The following PPP2R2B variants were observed in gnomAD, a reference collection of about 807,000 sequenced individuals.
The protein encoded by PPP2R2B is serine/threonine-protein phosphatase 2A 55 kDa regulatory subunit B beta isoform.
Under a neutral mutation model 46.0 loss-of-function variants are expected in PPP2R2B, and 5 were observed. That is an observed-to-expected ratio of 0.11 (90% CI 0.06 to 0.23). PPP2R2B has a LOEUF of 0.23. Among genes scored for constraint, PPP2R2B ranks in the 10% least tolerant of loss-of-function variants. The probability of loss-of-function intolerance (pLI) is 1.00; values close to 1 mark genes in which losing one functional copy is unlikely to be tolerated. For synonymous variants in PPP2R2B, 215 were observed against 206.7 expected (o/e 1.04, Z -0.34); for missense variants, 367 against 575.0 (o/e 0.64, Z 3.70).
At chr5:146,800,360 T>C (rs1035214505) in intron 2 of PPP2R2B, among the ~76,000 whole-genome samples, 1 of 152,106 alleles carries the variant, frequency 6.6e-6, no homozygotes, top group Non-Finnish European at 1.5e-5. Context: ...GGTACCAGAA[T>C]GGCATCAAGG....
At position 146,701,003 on chromosome 5, in the gene PPP2R2B, A is replaced by G. The variant is rs564673279; in HGVS notation, c.168+42T>C. ...AAGGAACAGTAGGAGGCCTCCTTTA[A>G]AAAGTGAAGAAAATGGGCATTTTGC... On this transcript the variant is annotated intron_variant, in intron 3 of 9. Transcript: ENST00000394411. 15 of 1,527,114 alleles carry G rather than the reference A, an allele frequency of 9.8e-6. No homozygotes were observed. The Admixed American group carries it at 1.7e-4, about 17-fold the overall frequency. The allele number at this position is 1,527,114 out of a possible 1,614,324, so 94.6% of individuals were successfully genotyped here.
rs985896817 is a variant in PPP2R2B at position 146,812,434 on chromosome 5, A to G, written c.70+65568T>C. Reference sequence around the variant, plus strand: ...AACTAATGAGGATAATAGCACTACTACTTTCCCAGGCCTCTTCTGAGGACT... The same window carrying G: ...AACTAATGAGGATAATAGCACTACTGCTTTCCCAGGCCTCTTCTGAGGACT... On this transcript the variant is annotated intron_variant, in intron 2 of 9. Coordinates refer to ENST00000394411, the MANE Select transcript of PPP2R2B (RefSeq NM_181675.4). Among the ~76,000 whole-genome samples, 63 of 130,230 alleles carry G rather than the reference A, an allele frequency of 4.8e-4. 1 individual carries two copies. The highest frequency in any genetic ancestry group is 1.6e-3 in the African/African-American group (57 of 35,182). The allele number at this position is 130,230 out of a possible 152,430, so 85.4% of individuals were successfully genotyped here.
chr5:146,785,747 T>C (rs778383339), intron 2 of PPP2R2B, among the ~76,000 whole-genome samples: 2 of 151,820 alleles, frequency 1.3e-5, no homozygotes, highest in Non-Finnish European at 2.9e-5. Context: ...AGTTGAGGAG[T>C]TAATAGAAAT....
At chr5:146,647,359 G>A (rs1353136905) in intron 6 of PPP2R2B, among the ~76,000 whole-genome samples, 1 of 152,172 alleles carries the variant, frequency 6.6e-6, no homozygotes, top group East Asian at 1.9e-4. Flanking sequence ...AGACCTGCCT[G>A]GTGGCTGGTA....
At chr5:146,908,929 T>C (rs1184726736) in intron 1 of PPP2R2B, among the ~76,000 whole-genome samples, 1 of 151,916 alleles carries the variant, frequency 6.6e-6, no homozygotes, top group Non-Finnish European at 1.5e-5. Flanking sequence ...GCCTCCCGAG[T>C]AGCTGGGATT....
At chr5:146,728,556 C>T (rs571928871) in intron 2 of PPP2R2B, among the ~76,000 whole-genome samples, 115 of 152,090 alleles carry the variant, frequency 7.6e-4, no homozygotes, top group Non-Finnish European at 1.4e-3. Flanking sequence ...GCAAAATAAT[C>T]CTCCAACAGT....
chr5:146,823,003 T>G (rs1176424014), intron 2 of PPP2R2B, among the ~76,000 whole-genome samples: 3 of 152,182 alleles, frequency 2.0e-5, no homozygotes, highest in African/African-American at 7.2e-5. Flanking sequence ...TTTCTTTATA[T>G]TTAAGGAAAG....
intron 2 of PPP2R2B, among the ~76,000 whole-genome samples, chr5:146,768,430 C>T (rs1278093241): frequency 6.6e-6 from 1 of 152,068 alleles, no homozygotes; most frequent in East Asian, 1.9e-4. Context: ...AAATGGTTAA[C>T]AGTTTTATTC....
At chr5:146,975,476 A>T (rs551219053) in intron 1 of PPP2R2B, among the ~76,000 whole-genome samples, 3 of 152,296 alleles carry the variant, frequency 2.0e-5, no homozygotes. Flanking sequence ...TGGGTATGCA[A>T]ATATGTCTTT....
In PPP2R2B at chr5:146,762,493, T is replaced by C. The variant is rs143095076; in HGVS notation, c.71-61351A>G. Among the ~76,000 whole-genome samples the C allele has an allele frequency of 2.9e-3, 449 of 152,352 alleles. 7 individuals are homozygous for C. Among genetic ancestry groups the C allele is most frequent in the African/African-American group, 0.01 (425 of 41,588 alleles). ...TGTTCACTACTCTTTCTATTCAAGGTGCTGTGCTAAGATTTTGGGTAATAG... is the reference window on the plus strand; with the variant it reads ...TGTTCACTACTCTTTCTATTCAAGGCGCTGTGCTAAGATTTTGGGTAATAG... On this transcript the variant is annotated intron_variant, in intron 2 of 9. Transcript: ENST00000394411.
chr5:146,631,076 A>G (rs1774394239), intron 7 of PPP2R2B, among the ~76,000 whole-genome samples: 1 of 152,214 alleles, frequency 6.6e-6, no homozygotes. Context: ...GGGAAGAAAC[A>G]AAACAAAATT....
At position 146,587,423 on chromosome 5, in the gene PPP2R2B, A is replaced by C. The variant is rs1271653655; in HGVS notation, c.*2524T>G. On this transcript the variant is annotated 3_prime_UTR_variant, in exon 10 of 10. Transcript: ENST00000394411. Reference sequence around the variant, plus strand: ...CTTTCTTCTCTGGCAAACTCATCCTACTCTGGATCCCAGTTTGTACATCTA... The same window carrying C: ...CTTTCTTCTCTGGCAAACTCATCCTCCTCTGGATCCCAGTTTGTACATCTA... 2 of 151,950 alleles carry C rather than the reference A, an allele frequency of 1.3e-5. No homozygotes were observed. The highest frequency in any genetic ancestry group is 4.8e-5 in the African/African-American group (2 of 41,340). 9.4% of individuals were successfully genotyped at this position (151,950 alleles called of 1,614,324 possible).
chr5:146,898,995 G>C (rs897392623), intron 1 of PPP2R2B, among the ~76,000 whole-genome samples: 6 of 150,192 alleles, frequency 4.0e-5, no homozygotes, highest in Non-Finnish European at 7.4e-5. Flanking sequence ...GAGAGGATGT[G>C]GAGAAATAGG....
At chr5:146,908,580 G>C (rs545100775) in intron 1 of PPP2R2B, among the ~76,000 whole-genome samples, 1 of 151,134 alleles carries the variant, frequency 6.6e-6, no homozygotes, top group South Asian at 2.1e-4. Flanking sequence ...GACACTAAGG[G>C]CTCCATTAAC....
intron 1 of PPP2R2B, among the ~76,000 whole-genome samples, chr5:146,978,766 A>G (rs1298885597): frequency 1.3e-5 from 2 of 152,170 alleles, no homozygotes; most frequent in Non-Finnish European, 2.9e-5. Context: ...TGTTTTGGTT[A>G]CTGTAGCCTT....
intron 2 of PPP2R2B, among the ~76,000 whole-genome samples, chr5:146,775,939 A>G (rs747547467): frequency 7.9e-5 from 12 of 152,150 alleles, no homozygotes; most frequent in Non-Finnish European, 1.5e-4. Flanking sequence ...CAAGACTTGT[A>G]CACTGAAAAC....
chr5:146,969,391 A>C (rs1426254171), intron 1 of PPP2R2B, among the ~76,000 whole-genome samples: 1 of 152,204 alleles, frequency 6.6e-6, no homozygotes, highest in African/African-American at 2.4e-5. Context: ...AGGTGGTCAC[A>C]TCAGATAAAA....
intron 2 of PPP2R2B, among the ~76,000 whole-genome samples, chr5:147,064,275 T>A (rs1487113266): frequency 6.6e-6 from 1 of 152,216 alleles, no homozygotes; most frequent in Non-Finnish European, 1.5e-5. Context: ...ACCTCAGCCC[T>A]ATTGATATTT....
chr5:146,764,871 T>A (rs1286561786), intron 2 of PPP2R2B, among the ~76,000 whole-genome samples: 1 of 152,030 alleles, frequency 6.6e-6, no homozygotes, highest in East Asian at 1.9e-4. Flanking sequence ...CTCTGCCCCA[T>A]CTAAACCATC....
Sources: gnomAD v4.1 joint callset for allele counts (sites outside exome capture counted in the v4.1 genomes callset) on GRCh38, gnomAD v4.1.1 for gene constraint, MANE v1.5 for transcripts, NCBI Gene and HGNC (gene_info 2026-07-23, HGNC 2026-07-21) for gene names.